Variants in PSMD7 observed in about 807,000 individuals in gnomAD.
PSMD7 encodes proteasome 26S subunit, non-ATPase 7.
In PSMD7, 13 loss-of-function variants were observed where a neutral mutation model predicts 36.4. The ratio of observed to expected loss-of-function variants is 0.36; its 90% CI spans 0.23 to 0.57. PSMD7 has a LOEUF of 0.57. PSMD7 is among the 20% of genes least tolerant of loss of function. The pLI is 0.83. For synonymous variants in PSMD7, 186 were observed against 151.0 expected, an observed-to-expected ratio of 1.23 and a Z score of -1.70; for missense variants, 298 against 393.6, an observed-to-expected ratio of 0.76 and a Z score of 2.06.
In PSMD7 at chr16:74,296,822, A is replaced by G; in HGVS notation, c.-93A>G. The G allele has an allele frequency of 7.3e-7, 1 of 1,362,968 alleles. No individual in the cohort carries two copies. Among genetic ancestry groups the G allele is most frequent in the African/African-American group, 1.4e-5 (1 of 70,316 alleles). 84.4% of individuals were successfully genotyped at this position (1,362,968 alleles called of 1,614,324 possible). On this transcript the variant is annotated 5_prime_UTR_variant, in exon 1 of 7. Transcript: ENST00000219313. ...GCGAGGGCTGACGAACCGGAAGAAGAGGAACTGGGCCTGAAAGGGTACCGG... is the reference window on the plus strand; with the variant it reads ...GCGAGGGCTGACGAACCGGAAGAAGGGGAACTGGGCCTGAAAGGGTACCGG...
At chr16:74,297,749 G>T (rs965608133) in intron 1 of PSMD7, among the ~76,000 whole-genome samples, 3 of 144,980 alleles carry the variant, frequency 2.1e-5, no homozygotes, top group African/African-American at 5.1e-5. Context: ...AGTGAATGAT[G>T]CCTGGATGAT....
chr16:74,299,980 A>C, intron 1 of PSMD7, 135 bp from the exon 2 acceptor site: 1 of 763,632 alleles, frequency 1.3e-6, no homozygotes, highest in South Asian at 1.6e-5. Context: ...ACCCTATTAC[A>C]TTGGTTTAGG....
intron 5 of PSMD7, among the ~76,000 whole-genome samples, chr16:74,302,904 T>C (rs546811502): frequency 1.6e-4 from 25 of 152,234 alleles, no homozygotes; most frequent in Non-Finnish European, 2.8e-4. Flanking sequence ...GTTCCTTGCA[T>C]CGAGCTCTGT....
chr16:74,300,357 T>C (rs2034146148), intron 2 of PSMD7, 151 bp downstream of exon 2: 1 of 672,662 alleles, frequency 1.5e-6, no homozygotes, highest in African/African-American at 1.8e-5. Context: ...GATTGCACAC[T>C]AGACCAGACA....
intron 6 of PSMD7, among the ~76,000 whole-genome samples, chr16:74,304,904 T>C (rs2142566230): frequency 6.6e-6 from 1 of 152,342 alleles, no homozygotes; most frequent in Non-Finnish European, 1.5e-5. Flanking sequence ...TGGAGATGCA[T>C]GTAGAGAAAA....
chr16:74,302,514 C>A (rs967985829), intron 5 of PSMD7, among the ~76,000 whole-genome samples: 8 of 151,988 alleles, frequency 5.3e-5, no homozygotes, highest in Non-Finnish European at 1.2e-4. Flanking sequence ...TTTGAGAGGC[C>A]GAGGTGGGAG....
In PSMD7 at chr16:74,305,840, A is replaced by G; in HGVS notation, c.*107A>G. ...ACTTGACATGCTTATTAGAAAGCTG[A>G]CCCAACAAGAGCTCTCTGCCTCCGG... On this transcript the variant is annotated 3_prime_UTR_variant, in exon 7 of 7. Coordinates refer to ENST00000219313, the MANE Select transcript of PSMD7 (RefSeq NM_002811.5). The G allele has an allele frequency of 7.9e-7, 1 of 1,273,198 alleles. No individual in the cohort carries two copies. The allele number at this position is 1,273,198 out of a possible 1,614,324, so 78.9% of individuals were successfully genotyped here. A position where few individuals can be genotyped will look rare whatever the true frequency, so the allele number is the denominator to read the frequency against.
intron 2 of PSMD7, 44 bp downstream of exon 2, chr16:74,300,250 C>T (rs748642652): frequency 2.1e-5 from 32 of 1,517,678 alleles, no homozygotes; most frequent in South Asian, 1.5e-4. Flanking sequence ...ATTAAAATGT[C>T]AGTTTACCCT....
intron 5 of PSMD7, 105 bp from the exon 6 acceptor site, chr16:74,304,198 T>A (rs2034178052): frequency 2.1e-6 from 2 of 951,206 alleles, no homozygotes; most frequent in Non-Finnish European, 3.4e-6. Flanking sequence ...AGTCATGCAC[T>A]CATTAAATGA....
Position 74,296,904 on chromosome 16 carries a change from G to C in PSMD7, c.-11G>C. The C allele has an allele frequency of 6.2e-7, 1 of 1,613,030 alleles. No homozygotes were observed. Among genetic ancestry groups the C allele is most frequent in the Non-Finnish European group, 8.5e-7 (1 of 1,179,722 alleles). On this transcript the variant is annotated 5_prime_UTR_variant, in exon 1 of 7. Coordinates refer to ENST00000219313, the MANE Select transcript of PSMD7 (RefSeq NM_002811.5). ...GCAGGGAGCCAGGCCTGGCGAGCGG[G>C]GTGTGTCGCGATGCCGGAGCTGGCA...
At chr16:74,297,137 G>T in intron 1 of PSMD7, 149 bp downstream of exon 1, 1 of 822,026 alleles carries the variant, frequency 1.2e-6, no homozygotes, top group Non-Finnish European at 1.9e-6. Context: ...ACCAGCGTCG[G>T]CTCACGATGC....
intron 1 of PSMD7, 49 bp downstream of exon 1, chr16:74,297,037 C>A: frequency 6.3e-7 from 1 of 1,580,812 alleles, no homozygotes; most frequent in Non-Finnish European, 8.6e-7. Flanking sequence ...GCTGCTGAGT[C>A]ACGGGCACGC....
chr16:74,301,588 G>A lies in PSMD7; in HGVS notation c.293G>A (p.Gly98Asp). Residue 98 changes from glycine (G) to aspartate (D), a missense_variant, in exon 4 of 7, where the codon GGC becomes GAC. By Grantham distance (94) the Gly-to-Asp change is moderately conservative. Coordinates refer to ENST00000219313, the MANE Select transcript of PSMD7 (RefSeq NM_002811.5). ...RERIVGWYHT[G>D]PKLHKNDIAI... The stretch of plus-strand genomic sequence containing the variant: ...AGAATAGTTGGCTGGTACCACACAG[G>A]CCCTAAACTACACAAGAATGACATT... 1.2e-6 allele frequency: 2 copies of A among 1,613,650 alleles called. No homozygotes were observed. The highest frequency in any genetic ancestry group is 1.7e-6 in the Non-Finnish European group (2 of 1,179,668).
At chr16:74,302,624 T>C (rs1335938453) in intron 5 of PSMD7, among the ~76,000 whole-genome samples, 1 of 152,068 alleles carries the variant, frequency 6.6e-6, no homozygotes, top group African/African-American at 2.4e-5. Context: ...ATGCCTGTAT[T>C]CCAAGCTACT....
In PSMD7 at chr16:74,301,557, A is replaced by G; in HGVS notation, c.262A>G (p.Arg88Gly). Residue 88 changes from arginine to glycine, a missense_variant and splice_region_variant, in exon 4 of 7, where the codon AGG (arginine) becomes GGG (glycine). By Grantham distance (125) the Arg-to-Gly change is moderately radical. Coordinates refer to ENST00000219313, the MANE Select transcript of PSMD7 (RefSeq NM_002811.5). ...CTGCTAATTTTTTTCCTTCCTAGCC[A>G]GGGAAAGAATAGTTGGCTGGTACCA... is the stretch of plus-strand genomic sequence containing the variant. ...MYGMFKKVNA[R>G]ERIVGWYHTG... 6.2e-7 allele frequency: 1 copy of G among 1,609,792 alleles called. No individual in the cohort carries two copies.
At chr16:74,304,042 A>T (rs2034176495) in intron 5 of PSMD7, 1 of 345,764 alleles carries the variant, frequency 2.9e-6, no homozygotes. Flanking sequence ...CGTTCATGCC[A>T]AGTGTGGGCT....
chr16:74,299,878 A>G, intron 1 of PSMD7: 1 of 558,252 alleles, frequency 1.8e-6, no homozygotes, highest in East Asian at 2.9e-5. Context: ...TTTCCCAAGC[A>G]TGTATTACTT....
rs886829212 is a variant in PSMD7 at position 74,299,510 on chromosome 16, C to T, written c.75-605C>T. On this transcript the variant is annotated intron_variant, in intron 1 of 6. Coordinates refer to ENST00000219313, the MANE Select transcript of PSMD7 (RefSeq NM_002811.5). Reference sequence around the variant, plus strand: ...TCCCTGCACCTCAGTCCCCCAGCCCCAAGTAGCTGAGACTACAGGCACATC... The same window carrying T: ...TCCCTGCACCTCAGTCCCCCAGCCCTAAGTAGCTGAGACTACAGGCACATC... The T allele has an allele frequency of 3.1e-5, 14 of 451,808 alleles. No homozygotes were observed. The East Asian group carries it at 8.4e-4, about 27-fold the overall frequency. 28.0% of individuals were successfully genotyped at this position (451,808 alleles called of 1,614,324 possible).
chr16:74,305,060 T>C (rs548971770), intron 6 of PSMD7: 13 of 589,292 alleles, frequency 2.2e-5, no homozygotes, highest in Admixed American at 3.8e-5. Context: ...CCTTTTATAA[T>C]TGTTTTTTGA....
Sources: gnomAD v4.1 joint callset for allele counts (sites outside exome capture counted in the v4.1 genomes callset) on GRCh38, gnomAD v4.1.1 for gene constraint, MANE v1.5 for transcripts, NCBI Gene and HGNC (gene_info 2026-07-23, HGNC 2026-07-21) for gene names.